PCDHA2: variants seen among roughly 807,000 people sequenced by gnomAD.
PCDHA2 encodes protocadherin alpha-2.
In PCDHA2, 58 loss-of-function variants were observed where a neutral mutation model predicts 66.0. The ratio of observed to expected loss-of-function variants is 0.88; its 90% CI spans 0.71 to 1.09. The LOEUF (loss-of-function observed/expected upper bound fraction) is 1.09. Ranked by LOEUF, PCDHA2 falls within the 50% of genes least tolerant of loss-of-function variation. The probability of loss-of-function intolerance (pLI) is 0.00; values close to 1 mark genes in which losing one functional copy is unlikely to be tolerated. For missense variants in PCDHA2, 1,267 were observed against 1,242.3 expected (o/e 1.02, Z -0.30); for synonymous variants, 634 against 554.0 (o/e 1.14, Z -2.03).
chr5:140,850,685 C>G lies in PCDHA2; in HGVS notation c.2388+53333C>G, dbSNP rs1390345550. ...GGTGCTCGGCGATGCCCACCGAGGGCGAGTGCGCGCCTGGCAAGCCGACGC... is the reference window on the plus strand; with the variant it reads ...GGTGCTCGGCGATGCCCACCGAGGGGGAGTGCGCGCCTGGCAAGCCGACGC... On this transcript the variant is annotated intron_variant, in intron 1 of 3. Transcript: ENST00000526136. 25 of 1,598,270 alleles carry G rather than the reference C, an allele frequency of 1.6e-5. 2 individuals are homozygous for G. The highest frequency in any genetic ancestry group is 1.7e-4 in the Middle Eastern group (1 of 6,016).
intron 1 of PCDHA2, among the ~76,000 whole-genome samples, chr5:140,943,827 A>T (rs1474835023): frequency 2.0e-5 from 3 of 152,208 alleles, no homozygotes; most frequent in Non-Finnish European, 4.4e-5. Flanking sequence ...AAATGAGTTG[A>T]TTGAAGTTGT....
intron 1 of PCDHA2, chr5:140,821,613 A>AT: frequency 1.2e-6 from 1 of 802,296 alleles, no homozygotes; most frequent in Non-Finnish European, 1.9e-6. Context: ...TACAGTGAGT[A>AT]GATTTTCCTT....
At chr5:140,820,662 A>G (rs1027521114) in intron 1 of PCDHA2, among the ~76,000 whole-genome samples, 1 of 152,094 alleles carries the variant, frequency 6.6e-6, no homozygotes, top group Admixed American at 6.5e-5. Context: ...AATTAAACTA[A>G]TATAAAGATA....
Position 140,826,963 on chromosome 5 carries a change from G to T in PCDHA2, c.2388+29611G>T, listed in dbSNP as rs1769130641. Among the ~76,000 whole-genome samples, 3 of 152,092 alleles carry T rather than the reference G, an allele frequency of 2.0e-5. No individual in the cohort carries two copies. The South Asian group carries it at 6.2e-4, about 32-fold the overall frequency. ...GTGGAATAAGGCAAGCCAGGGAAAA[G>T]GAGTAATTTAAAAAGTAATATAGGT... On this transcript the variant is annotated intron_variant, in intron 1 of 3. Transcript: ENST00000526136.
intron 1 of PCDHA2, among the ~76,000 whole-genome samples, chr5:140,894,352 G>A (rs2064438357): frequency 6.6e-6 from 1 of 151,796 alleles, no homozygotes; most frequent in Admixed American, 6.6e-5. Context: ...TATTACTTCA[G>A]ATTTCTTCTT....
intron 1 of PCDHA2, chr5:140,803,103 G>T: frequency 1.2e-6 from 2 of 1,613,824 alleles, no homozygotes; most frequent in Non-Finnish European, 1.7e-6. Flanking sequence ...CACGACCCGT[G>T]CCCTGGACGA....
chr5:140,833,070 T>C lies in PCDHA2; in HGVS notation c.2388+35718T>C, dbSNP rs149875221. Among the ~76,000 whole-genome samples the C allele has an allele frequency of 3.8e-4, 58 of 152,314 alleles. No homozygotes were observed. The East Asian group carries it at 0.01, about 27-fold the overall frequency. ...GAAAAGTAATATGAGAAAAACCTTT[T>C]GTATAACTTTGAGTACTAGACGAGT... On this transcript the variant is annotated intron_variant, in intron 1 of 3. Coordinates refer to ENST00000526136, the MANE Select transcript of PCDHA2 (RefSeq NM_018905.3).
At chr5:140,955,705 T>G (rs1554222053) in intron 1 of PCDHA2, among the ~76,000 whole-genome samples, 1 of 152,232 alleles carries the variant, frequency 6.6e-6, no homozygotes, top group East Asian at 1.9e-4. Context: ...CAATGGAAGT[T>G]TAATAGGAAT....
chr5:140,958,900 C>T (rs246008), intron 1 of PCDHA2, among the ~76,000 whole-genome samples: 85,461 of 151,702 alleles, frequency 0.56, 24,676 homozygotes, highest in African/African-American at 0.69. Flanking sequence ...ATAATAGATA[C>T]AGAAAAGTCT....
rs376929883 is a variant in PCDHA2 at position 140,967,867 on chromosome 5, C to T, written c.2389-11082C>T. Reference sequence around the variant, plus strand: ...ATGACAATGCCCCAGAGGTGGTGCTCACGGACCTGTATAGCCCAGTGCCTG... The same window carrying T: ...ATGACAATGCCCCAGAGGTGGTGCTTACGGACCTGTATAGCCCAGTGCCTG... On this transcript the variant is annotated intron_variant, in intron 1 of 3. Coordinates refer to ENST00000526136, the MANE Select transcript of PCDHA2 (RefSeq NM_018905.3). 48 of 1,614,012 alleles carry T rather than the reference C, an allele frequency of 3.0e-5. No individual in the cohort carries two copies. The African/African-American group carries it at 6.0e-4, about 20-fold the overall frequency.
At position 140,818,149 on chromosome 5, in the gene PCDHA2, G is replaced by A. The variant is rs116573666; in HGVS notation, c.2388+20797G>A. Among the ~76,000 whole-genome samples, 733 of 152,078 alleles carry A rather than the reference G, an allele frequency of 4.8e-3. 10 individuals are homozygous for A. Among genetic ancestry groups the A allele is most frequent in the African/African-American group, 0.017 (703 of 41,472 alleles). ...GATTTAGCAGTATGCCTTCAAATAC[G>A]GCTTCTACTTCATATTTTCTCTTAT... On this transcript the variant is annotated intron_variant, in intron 1 of 3. Transcript: ENST00000526136.
At chr5:140,803,738 C>T in intron 1 of PCDHA2, 13 of 1,402,756 alleles carry the variant, frequency 9.3e-6, no homozygotes, top group East Asian at 2.3e-5. Context: ...GTGGTTAAAA[C>T]GGTAAGATTT....
intron 1 of PCDHA2, chr5:140,823,399 C>T: frequency 6.2e-7 from 1 of 1,612,960 alleles, no homozygotes; most frequent in South Asian, 1.1e-5. Context: ...CGCGGGCGTG[C>T]CGCCTCTGGG....
intron 1 of PCDHA2, chr5:140,821,777 T>C: frequency 4.4e-6 from 7 of 1,606,206 alleles, no homozygotes; most frequent in Non-Finnish European, 6.0e-6. Context: ...GAGATTGAGA[T>C]GGTATATTCC....
At chr5:140,834,327 T>A (rs1181484753) in intron 1 of PCDHA2, 1 of 1,451,888 alleles carries the variant, frequency 6.9e-7, no homozygotes, top group Non-Finnish European at 9.4e-7. Flanking sequence ...GATAAAAACA[T>A]TCCTATAAAT....
chr5:140,807,783 C>A (rs782393420), intron 1 of PCDHA2: 2 of 1,614,144 alleles, frequency 1.2e-6, no homozygotes, highest in Non-Finnish European at 1.7e-6. Context: ...TTACGGAAAT[C>A]TTTAGACAGA....
At chr5:140,815,440 T>G (rs1765727094) in intron 1 of PCDHA2, 1 of 152,156 alleles carries the variant, frequency 6.6e-6, no homozygotes, top group Non-Finnish European at 1.5e-5. Context: ...GCATCTTTAC[T>G]ACAATCACAA....
intron 1 of PCDHA2, among the ~76,000 whole-genome samples, chr5:140,916,543 G>A (rs1554197499): frequency 6.6e-6 from 1 of 152,152 alleles, no homozygotes; most frequent in Non-Finnish European, 1.5e-5. Context: ...AAGGCAATGG[G>A]TTTTCTATTT....
intron 1 of PCDHA2, chr5:140,834,460 C>G (rs202125503): frequency 6.3e-6 from 10 of 1,589,954 alleles, no homozygotes; most frequent in Non-Finnish European, 8.6e-6. Flanking sequence ...GCTTGGGAGG[C>G]AGGGAGAGGC....
Sources: gnomAD v4.1 joint callset for allele counts (sites outside exome capture counted in the v4.1 genomes callset) on GRCh38, gnomAD v4.1.1 for gene constraint, MANE v1.5 for transcripts, NCBI Gene and HGNC (gene_info 2026-07-23, HGNC 2026-07-21) for gene names.